The following FRMD4A variants were observed in gnomAD, a reference collection of about 807,000 sequenced individuals.
The protein encoded by FRMD4A is FERM domain-containing protein 4A.
In FRMD4A, 29 loss-of-function variants were observed where a neutral mutation model predicts 129.1. The ratio of observed to expected loss-of-function variants is 0.22; its 90% CI spans 0.17 to 0.31. FRMD4A has a LOEUF of 0.31. FRMD4A is among the 10% of genes least tolerant of loss of function. FRMD4A has a pLI of 1.00. For synonymous variants in FRMD4A, 634 were observed against 571.6 expected, an observed-to-expected ratio of 1.11 and a Z score of -1.56; for missense variants, 1,272 against 1,375.8, an observed-to-expected ratio of 0.92 and a Z score of 1.19.
intron 3 of FRMD4A, among the ~76,000 whole-genome samples, chr10:13,856,273 C>T (rs2094213455): frequency 6.7e-6 from 1 of 149,530 alleles, no homozygotes; most frequent in African/African-American, 2.5e-5. Context: ...AAGCTAAATC[C>T]TCTGTGAAGC....
chr10:14,098,274 T>C (rs1211984177), intron 2 of FRMD4A, among the ~76,000 whole-genome samples: 5 of 151,448 alleles, frequency 3.3e-5, no homozygotes, highest in Non-Finnish European at 7.4e-5. Context: ...TTCCTGTACA[T>C]TTCCATTACA....
In FRMD4A at chr10:13,674,983, G is replaced by A; in HGVS notation, c.1179C>T (p.Ser393=). 6.2e-7 allele frequency: 1 copy of A among 1,613,212 alleles called. No homozygotes were observed. The highest frequency in any genetic ancestry group is 8.5e-7 in the Non-Finnish European group (1 of 1,179,202). The change falls in exon 16 of 25, where the codon TCC becomes TCT. Residue 393 remains serine (S), a synonymous_variant. Transcript: ENST00000357447. ...GGGTTTCCTCCAGAGCTTCCTGCCTGGACTTCAAGGCAGCCAGCATGTCCT... is the reference window on the plus strand; with the variant it reads ...GGGTTTCCTCCAGAGCTTCCTGCCTAGACTTCAAGGCAGCCAGCATGTCCT... ...AKKDMLAALK[S]RQEALEETLR...
intron 6 of FRMD4A, among the ~76,000 whole-genome samples, chr10:13,771,952 C>CA (rs1039875916): frequency 1.3e-4 from 20 of 149,132 alleles, no homozygotes; most frequent in South Asian, 6.7e-4. Flanking sequence ...ACAAAACACA[C>CA]AAAAAAAACA....
At chr10:14,214,461 TAA>T (rs768745757) in intron 2 of FRMD4A, among the ~76,000 whole-genome samples, 2 of 152,186 alleles carry the variant, frequency 1.3e-5, no homozygotes, top group Non-Finnish European at 2.9e-5. Flanking sequence ...CTCTGGAAAA[TAA>T]AAGAGTGAGT....
intron 15 of FRMD4A, among the ~76,000 whole-genome samples, chr10:13,688,365 A>T (rs960279175): frequency 1.3e-5 from 2 of 151,680 alleles, no homozygotes; most frequent in African/African-American, 4.8e-5. Flanking sequence ...GGACACAGGA[A>T]GGGGAACATC....
chr10:14,168,287 C>T (rs1273573281), intron 2 of FRMD4A, among the ~76,000 whole-genome samples: 1 of 152,148 alleles, frequency 6.6e-6, no homozygotes, highest in Non-Finnish European at 1.5e-5. Context: ...CTATAAAGAT[C>T]ACATGAGATC....
chr10:14,145,437 T>A (rs976070498), intron 2 of FRMD4A, among the ~76,000 whole-genome samples: 1 of 152,224 alleles, frequency 6.6e-6, no homozygotes, highest in Non-Finnish European at 1.5e-5. Context: ...TTAAGAGGGC[T>A]GTGGACAATG....
intron 2 of FRMD4A, among the ~76,000 whole-genome samples, chr10:14,056,220 T>C (rs1390246998): frequency 2.7e-4 from 41 of 152,034 alleles, no homozygotes; most frequent in Non-Finnish European, 5.9e-5. Context: ...TTAGTAGAGA[T>C]AGGGTTTCTC....
At chr10:13,951,532 C>T (rs963934412) in intron 2 of FRMD4A, among the ~76,000 whole-genome samples, 1 of 152,024 alleles carries the variant, frequency 6.6e-6, no homozygotes, top group African/African-American at 2.4e-5. Flanking sequence ...AGGGATCCAA[C>T]CAGCCACATT....
intron 9 of FRMD4A, among the ~76,000 whole-genome samples, chr10:13,741,836 C>CT (rs1268989332): frequency 6.6e-6 from 1 of 152,154 alleles, no homozygotes; most frequent in Non-Finnish European, 1.5e-5. Context: ...CAGGCGCTCC[C>CT]TCCTTTTTTG....
chr10:13,893,457 T>C (rs905048961), intron 2 of FRMD4A, among the ~76,000 whole-genome samples: 3 of 152,242 alleles, frequency 2.0e-5, no homozygotes, highest in Admixed American at 6.5e-5. Flanking sequence ...AGACTAGTTC[T>C]AGTCCTGATT....
At chr10:13,749,124 C>G (rs2091439569) in intron 8 of FRMD4A, among the ~76,000 whole-genome samples, 1 of 152,182 alleles carries the variant, frequency 6.6e-6, no homozygotes, top group South Asian at 2.1e-4. Flanking sequence ...CACTTTGGGA[C>G]AGTTTTGATA....
At chr10:14,030,610 C>CT (rs1833192828) in intron 2 of FRMD4A, among the ~76,000 whole-genome samples, 1 of 152,190 alleles carries the variant, frequency 6.6e-6, no homozygotes, top group African/African-American at 2.4e-5. Flanking sequence ...AACAAGCTGC[C>CT]TGTCTGGGTC....
intron 2 of FRMD4A, among the ~76,000 whole-genome samples, chr10:14,101,633 T>C (rs1003069146): frequency 1.3e-5 from 2 of 152,228 alleles, no homozygotes; most frequent in Admixed American, 6.5e-5. Flanking sequence ...TGACACGTTC[T>C]ACTTATGTCA....
chr10:14,097,155 A>G, intron 2 of FRMD4A: 1 of 148,348 alleles, frequency 6.7e-6, no homozygotes, highest in African/African-American at 2.5e-5. Context: ...AAAAAAAAAA[A>G]AAAAAAAAAA....
chr10:13,727,846 G>A (rs1330596838), intron 12 of FRMD4A: 1 of 152,320 alleles, frequency 6.6e-6, no homozygotes, highest in African/African-American at 2.4e-5. Flanking sequence ...GATTTCAGAA[G>A]CTAAGCAGGG....
intron 2 of FRMD4A, among the ~76,000 whole-genome samples, chr10:13,882,829 A>G (rs557523562): frequency 6.8e-6 from 1 of 147,060 alleles, no homozygotes; most frequent in African/African-American, 2.5e-5. Flanking sequence ...TTTTTGAGAC[A>G]CACTCGCTCT....
chr10:14,313,787 A>G (rs190454221), intron 2 of FRMD4A, among the ~76,000 whole-genome samples: 117 of 152,358 alleles, frequency 7.7e-4, no homozygotes, highest in African/African-American at 2.5e-3. Context: ...AAAAGAAAGC[A>G]TCTATCTCAT....
At chr10:13,951,279 C>T (rs769522587) in intron 2 of FRMD4A, among the ~76,000 whole-genome samples, 13 of 151,830 alleles carry the variant, frequency 8.6e-5, no homozygotes, top group Non-Finnish European at 1.9e-4. Context: ...GGATGCGGGG[C>T]GCCAGGAAGA....
Sources: gnomAD v4.1 joint callset for allele counts (sites outside exome capture counted in the v4.1 genomes callset) on GRCh38, gnomAD v4.1.1 for gene constraint, MANE v1.5 for transcripts, NCBI Gene and HGNC (gene_info 2026-07-23, HGNC 2026-07-21) for gene names.